The following LIPM variants were observed in gnomAD, a reference collection of about 807,000 sequenced individuals.
LIPM encodes lipase member M.
LIPM carries 42 observed loss-of-function variants against 42.4 expected under a neutral mutation model. The ratio of observed to expected loss-of-function variants is 0.99; its 90% confidence interval spans 0.77 to 1.28. The LOEUF is 1.28. LIPM is among the 50% of genes most tolerant of loss of function. LIPM has a pLI of 0.00. For missense variants in LIPM, 524 were observed against 520.1 expected (o/e 1.01, Z -0.07); for synonymous variants, 177 against 173.3 (o/e 1.02, Z -0.17).
intron 1 of LIPM, among the ~76,000 whole-genome samples, chr10:88,806,898 C>T (rs1424194591): frequency 6.6e-6 from 1 of 152,050 alleles, no homozygotes; most frequent in Non-Finnish European, 1.5e-5. Flanking sequence ...ACCATGTTGG[C>T]CAGGATGGTC....
At chr10:88,808,882 C>T (rs1280163017) in intron 2 of LIPM, among the ~76,000 whole-genome samples, 1 of 150,794 alleles carries the variant, frequency 6.6e-6, no homozygotes, top group Non-Finnish European at 1.5e-5. Flanking sequence ...TTACTAAGGG[C>T]TTTTGAAAAA....
chr10:88,803,827 A>G (rs1195984349), intron 1 of LIPM, among the ~76,000 whole-genome samples: 1 of 152,166 alleles, frequency 6.6e-6, no homozygotes, highest in East Asian at 1.9e-4. Flanking sequence ...AACAAGTTGA[A>G]CAAGGCCATA....
intron 6 of LIPM, among the ~76,000 whole-genome samples, 180 bp downstream of exon 6, chr10:88,815,683 G>A (rs1843711181): frequency 1.3e-5 from 2 of 152,178 alleles, no homozygotes; most frequent in South Asian, 4.1e-4. Context: ...CTGAAACAAG[G>A]TTAACATAAG....
intron 2 of LIPM, 138 bp from the exon 3 acceptor site, chr10:88,812,959 G>A: frequency 7.3e-6 from 5 of 685,024 alleles, no homozygotes; most frequent in Non-Finnish European, 1.2e-5. Flanking sequence ...TCAAGTAATT[G>A]GCCAAGATAA....
At chr10:88,816,617 A>G (rs1843720932) in intron 6 of LIPM, among the ~76,000 whole-genome samples, 199 bp from the exon 7 acceptor site, 1 of 152,214 alleles carries the variant, frequency 6.6e-6, no homozygotes, top group Admixed American at 6.5e-5. Flanking sequence ...CTATTCTCAG[A>G]TGAAAAATAC....
chr10:88,815,607 G>GAT lies in LIPM; in HGVS notation c.858+109_858+110dup, dbSNP rs1221935629. The GAT allele has an allele frequency of 8.0e-6, 8 of 1,006,004 alleles. No individual in the cohort carries two copies. In the East Asian group the frequency reaches 1.8e-4, roughly 23 times the overall value. The allele number at this position is 1,006,004 out of a possible 1,614,324, so 62.3% of individuals were successfully genotyped here. ...AATGCCAGTGAAGACTCAGAGTAAT[G>GAT]ATATATTCTCAGTAACTCAGTTCTC... On this transcript the variant is annotated intron_variant, in intron 6 of 8. Transcript: ENST00000404743.
rs1589316865 is a variant in LIPM at position 88,815,508 on chromosome 10, G to A, written c.858+5G>A. On this transcript the variant is annotated splice_donor_5th_base_variant and intron_variant, in intron 6 of 8. Coordinates refer to ENST00000404743, the MANE Select transcript of LIPM (RefSeq NM_001128215.1). ...AACACCAACAATATGAACATGGTAA[G>A]TGGGAGCCTAGTAAATTCCCAGCAT... 6.5e-7 allele frequency: 1 copy of A among 1,550,304 alleles called. No homozygotes were observed. Among genetic ancestry groups the A allele is most frequent in the East Asian group, 2.4e-5 (1 of 40,896 alleles).
At chr10:88,806,871 A>G (rs1358355740) in intron 1 of LIPM, among the ~76,000 whole-genome samples, 1 of 151,994 alleles carries the variant, frequency 6.6e-6, no homozygotes, top group Non-Finnish European at 1.5e-5. Flanking sequence ...TTATTATTTT[A>G]GTAGAGATGG....
rs770788171 is a variant in LIPM, at chr10:88,808,402, A to G, written c.252A>G (p.Gln84=). Residue 84 remains glutamine (Q), a synonymous_variant, in exon 2 of 9, where the codon CAA becomes CAG. Coordinates refer to ENST00000404743, the MANE Select transcript of LIPM (RefSeq NM_001128215.1). ...ACAGGATTCCTCGAGGCCTAGTGCA[A>G]CCTAAGAAGACAGGTGTGGGTCACC... ...SVNRIPRGLV[Q]PKKTGSRPVV... 5.2e-6 allele frequency: 8 copies of G among 1,547,212 alleles called. No homozygotes were observed. The South Asian group carries it at 9.5e-5, about 18-fold the overall frequency.
At chr10:88,805,198 C>A (rs1222681624) in intron 1 of LIPM, among the ~76,000 whole-genome samples, 1 of 152,086 alleles carries the variant, frequency 6.6e-6, no homozygotes, top group Non-Finnish European at 1.5e-5. Flanking sequence ...AGCTTATAGT[C>A]CAGCAGGAAG....
At chr10:88,811,760 G>A (rs889402805) in intron 2 of LIPM, among the ~76,000 whole-genome samples, 1 of 152,146 alleles carries the variant, frequency 6.6e-6, no homozygotes, top group Admixed American at 6.5e-5. Flanking sequence ...TCTCTTACGT[G>A]TATCTTAATA....
chr10:88,808,212 C>A, intron 1 of LIPM, 86 bp from the exon 2 acceptor site: 1 of 744,806 alleles, frequency 1.3e-6, no homozygotes, highest in Non-Finnish European at 2.3e-6. Context: ...TGTTTTACAG[C>A]ATCAAGGAAT....
chr10:88,804,917 G>T (rs1402284427), intron 1 of LIPM, among the ~76,000 whole-genome samples: 1 of 152,190 alleles, frequency 6.6e-6, no homozygotes, highest in Non-Finnish European at 1.5e-5. Flanking sequence ...TTACTGTCTA[G>T]TATTACCGGC....
At chr10:88,808,759 G>A (rs2604962) in intron 2 of LIPM, among the ~76,000 whole-genome samples, 129,223 of 152,062 alleles carry the variant, frequency 0.85, 55,470 homozygotes, top group East Asian at 1. Context: ...GACCATATCA[G>A]CCTCTGATTA....
chr10:88,820,033 A>T (rs1213984014), intron 8 of LIPM, among the ~76,000 whole-genome samples, 199 bp from the exon 9 acceptor site: 1 of 152,212 alleles, frequency 6.6e-6, no homozygotes, highest in Non-Finnish European at 1.5e-5. Context: ...AGAAGAAGAA[A>T]CTGAGGTTCA....
intron 1 of LIPM, among the ~76,000 whole-genome samples, chr10:88,805,375 G>A (rs1464782094): frequency 1.3e-5 from 2 of 152,234 alleles, no homozygotes; most frequent in Admixed American, 6.5e-5. Flanking sequence ...TCAGCACATA[G>A]GACAGCTGGA....
chr10:88,808,892 A>G (rs1180688525), intron 2 of LIPM, among the ~76,000 whole-genome samples: 3 of 149,568 alleles, frequency 2.0e-5, no homozygotes, highest in South Asian at 2.2e-4. Flanking sequence ...CTTTTGAAAA[A>G]CGAAAGTTCT....
intron 1 of LIPM, 57 bp from the exon 2 acceptor site, chr10:88,808,241 C>A: frequency 1.1e-6 from 1 of 943,198 alleles, no homozygotes. Context: ...ACTTTTGGAT[C>A]ATTGAGAATA....
chr10:88,806,361 C>A lies in LIPM; in HGVS notation c.148-1937C>A, dbSNP rs147444858. ...TCCAGCCCTGCTCATTTTGCTCCTCCTGCTCAGAATTCCTTTGCTCCTTCC... is the reference window on the plus strand; with the variant it reads ...TCCAGCCCTGCTCATTTTGCTCCTCATGCTCAGAATTCCTTTGCTCCTTCC... On this transcript the variant is annotated intron_variant, in intron 1 of 8. Transcript: ENST00000404743. Among the ~76,000 whole-genome samples the A allele has an allele frequency of 2.7e-4, 41 of 152,328 alleles. 1 individual carries two copies. The East Asian group carries it at 7.9e-3, about 29-fold the overall frequency.
Sources: gnomAD v4.1 joint callset for allele counts (sites outside exome capture counted in the v4.1 genomes callset) on GRCh38, gnomAD v4.1.1 for gene constraint, MANE v1.5 for transcripts, NCBI Gene and HGNC (gene_info 2026-07-23, HGNC 2026-07-21) for gene names.